TPRG1: variants seen among roughly 807,000 people sequenced by gnomAD.
TPRG1 encodes tumor protein p63-regulated gene 1 protein.
A neutral mutation model predicts 29.3 loss-of-function variants in TPRG1; 29 were observed. The ratio of observed to expected loss-of-function variants is 0.99; its 90% CI spans 0.74 to 1.35. The LOEUF is 1.35. TPRG1 is among the 40% of genes most tolerant of loss of function. The pLI is 0.00. For synonymous variants in TPRG1, 130 were observed against 116.8 expected (o/e 1.11, Z -0.73); for missense variants, 327 against 335.0 (o/e 0.98, Z 0.19).
At chr3:189,283,549 G>A (rs967377927) in intron 4 of TPRG1, among the ~76,000 whole-genome samples, 6 of 152,148 alleles carry the variant, frequency 3.9e-5, no homozygotes, top group African/African-American at 1.4e-4. Flanking sequence ...TACATTTAGG[G>A]TTTATTTGCT....
chr3:189,255,196 C>T (rs1257519111), intron 4 of TPRG1, among the ~76,000 whole-genome samples: 4 of 152,218 alleles, frequency 2.6e-5, no homozygotes, highest in African/African-American at 9.6e-5. Flanking sequence ...AGATATGTTC[C>T]ATCAATACCT....
At chr3:189,048,836 G>A (rs535441682) in intron 4 of TPRG1, among the ~76,000 whole-genome samples, 26 of 152,276 alleles carry the variant, frequency 1.7e-4, no homozygotes, top group African/African-American at 5.5e-4. Context: ...GCAGAAGAGC[G>A]AAAGGGAGAC....
At chr3:189,053,403 T>C (rs1715456894) in intron 4 of TPRG1, among the ~76,000 whole-genome samples, 3 of 152,204 alleles carry the variant, frequency 2.0e-5, no homozygotes, top group Admixed American at 2.0e-4. Context: ...ATTATTTTTG[T>C]CTTATCCGAG....
chr3:189,303,617 T>C (rs1374432504), intron 4 of TPRG1, among the ~76,000 whole-genome samples: 1 of 152,200 alleles, frequency 6.6e-6, no homozygotes, highest in Non-Finnish European at 1.5e-5. Flanking sequence ...GACATTCAAA[T>C]TGACAGGCAT....
chr3:189,324,021 C>T lies in TPRG1; in HGVS notation c.*3201C>T, dbSNP rs775167481. The stretch of plus-strand genomic sequence containing the variant: ...CACAACAGGAGGACTTTTAAACAAT[C>T]ACCAGGACTCACTCCTCGGTGGTCA... On this transcript the variant is annotated 3_prime_UTR_variant, in exon 6 of 6. Coordinates refer to ENST00000345063, the MANE Select transcript of TPRG1 (RefSeq NM_198485.4). 2 of 152,108 alleles carry T rather than the reference C, an allele frequency of 1.3e-5. No individual in the cohort carries two copies. The highest frequency in any genetic ancestry group is 4.8e-5 in the African/African-American group (2 of 41,422). The allele number at this position is 152,108 out of a possible 1,614,324, so 9.4% of individuals were successfully genotyped here.
intron 4 of TPRG1, among the ~76,000 whole-genome samples, chr3:189,078,055 C>CCTTG (rs1439248015): frequency 7.0e-6 from 1 of 142,982 alleles, no homozygotes; most frequent in African/African-American, 2.9e-5. Context: ...TTCCTTCCTT[C>CCTTG]CTTCCTTTCT....
intron 4 of TPRG1, among the ~76,000 whole-genome samples, chr3:189,263,173 G>A (rs1033540531): frequency 2.6e-5 from 4 of 152,224 alleles, no homozygotes; most frequent in African/African-American, 9.6e-5. Context: ...GCTGCCTTAG[G>A]GCAAGCCTGC....
intron 3 of TPRG1, among the ~76,000 whole-genome samples, chr3:189,014,725 C>T (rs1712830336): frequency 1.3e-5 from 2 of 152,078 alleles, no homozygotes; most frequent in African/African-American, 4.8e-5. Context: ...TCTCCTGCTC[C>T]ACCAGGGGAA....
chr3:189,193,837 G>A (rs754205992), intron 1 of TPRG1, among the ~76,000 whole-genome samples: 10 of 149,744 alleles, frequency 6.7e-5, no homozygotes, highest in South Asian at 2.1e-4. Flanking sequence ...TCGTCTGTCC[G>A]TATGTTTTTG....
intron 1 of TPRG1, among the ~76,000 whole-genome samples, chr3:189,108,818 TA>T (rs1267621461): frequency 2.0e-5 from 3 of 152,134 alleles, no homozygotes; most frequent in Non-Finnish European, 2.9e-5. Flanking sequence ...GTAGCGCCTT[TA>T]AAAAACTTTT....
At chr3:189,150,618 C>T (rs1224340340) in intron 4 of TPRG1, 1 of 152,186 alleles carries the variant, frequency 6.6e-6, no homozygotes, top group African/African-American at 2.4e-5. Context: ...GATCACAATA[C>T]ATGATCAATA....
chr3:189,279,007 GT>G (rs1716642477), intron 4 of TPRG1, among the ~76,000 whole-genome samples: 1 of 152,220 alleles, frequency 6.6e-6, no homozygotes, highest in Non-Finnish European at 1.5e-5. Flanking sequence ...AGTTGTTCTA[GT>G]GGTGGAGGTA....
At chr3:189,235,499 C>A (rs1162890232) in intron 3 of TPRG1, among the ~76,000 whole-genome samples, 1 of 151,960 alleles carries the variant, frequency 6.6e-6, no homozygotes, top group East Asian at 1.9e-4. Context: ...TGAATGACTC[C>A]CAGGTCTCTA....
At chr3:189,248,278 A>G (rs1741650655) in intron 4 of TPRG1, among the ~76,000 whole-genome samples, 1 of 151,840 alleles carries the variant, frequency 6.6e-6, no homozygotes, top group African/African-American at 2.4e-5. Context: ...GTTTGTAAAT[A>G]TTCACTCATT....
chr3:189,081,691 C>A (rs1035018650), intron 4 of TPRG1, among the ~76,000 whole-genome samples: 1 of 152,132 alleles, frequency 6.6e-6, no homozygotes, highest in African/African-American at 2.4e-5. Context: ...TGATGTATTT[C>A]TTTCTGTTAA....
rs1722306592 is a variant in TPRG1, at chr3:189,310,464, C to T, written c.558C>T (p.Ser186=). ...TTCTGTCCCGCTGGAACCCATGGTC[C>T]ACTGAAGTTCCTTATGCTACTTTCA... is the stretch of plus-strand genomic sequence containing the variant. ...QSLLSRWNPW[S]TEVPYATFTE... is the part of the protein sequence containing the mutation. The change falls in exon 5 of 6, where the codon TCC becomes TCT. Residue 186 remains serine, a synonymous_variant. Transcript: ENST00000345063. 6.2e-7 allele frequency: 1 copy of T among 1,612,684 alleles called. No homozygotes were observed. Among genetic ancestry groups the T allele is most frequent in the Admixed American group, 1.7e-5 (1 of 59,940 alleles).
intron 1 of TPRG1, among the ~76,000 whole-genome samples, chr3:189,111,113 C>G (rs1244046287): frequency 3.4e-5 from 4 of 116,000 alleles, no homozygotes; most frequent in African/African-American, 2.3e-4. Context: ...AAAAAACAAA[C>G]AAACAAAAAA....
intron 4 of TPRG1, among the ~76,000 whole-genome samples, chr3:189,289,334 C>G (rs1449435290): frequency 6.6e-6 from 1 of 152,056 alleles, no homozygotes; most frequent in Non-Finnish European, 1.5e-5. Flanking sequence ...CAAATTCAAT[C>G]AAGTCAATCT....
At chr3:189,164,786 C>T (rs1727942945) in intron 5 of TPRG1, among the ~76,000 whole-genome samples, 2 of 152,120 alleles carry the variant, frequency 1.3e-5, no homozygotes, top group African/African-American at 4.8e-5. Context: ...AGGGTGTTGA[C>T]ATCCTCTGAA....
Sources: allele counts gnomAD v4.1 joint callset (sites outside exome capture counted in the v4.1 genomes callset), GRCh38; gene constraint gnomAD v4.1.1; transcripts MANE v1.5; gene names NCBI Gene and HGNC (gene_info 2026-07-23, HGNC 2026-07-21).